AP5Z1: variants seen among roughly 807,000 people sequenced by gnomAD.
The protein encoded by AP5Z1 is AP-5 complex subunit zeta-1.
AP5Z1 carries 106 observed loss-of-function variants against 83.0 expected under a neutral mutation model. The observed-to-expected ratio is 1.28, with a 90% confidence interval of 1.09 to 1.50. The LOEUF is 1.50. Ranked by LOEUF, AP5Z1 falls within the 40% of genes most tolerant of loss-of-function variation. The probability of loss-of-function intolerance (pLI) is 0.00; values close to 1 mark genes in which losing one functional copy is unlikely to be tolerated. For synonymous variants in AP5Z1, 751 were observed against 514.1 expected, an observed-to-expected ratio of 1.46 and a Z score of -6.23; for missense variants, 1,565 against 1,094.2, an observed-to-expected ratio of 1.43 and a Z score of -6.07.
At chr7:4,787,546 G>T (rs893817194) in intron 10 of AP5Z1, 88 bp from the exon 11 acceptor site, 2 of 1,489,676 alleles carry the variant, frequency 1.3e-6, no homozygotes, top group African/African-American at 1.4e-5. Context: ...GCAGGTCTGG[G>T]ACAGCTGTGG....
Position 4,790,727 on chromosome 7 carries a change from G to A in AP5Z1, c.1993G>A (p.Glu665Lys), listed in dbSNP as rs762941708. 1 of 1,610,996 alleles carries A rather than the reference G, an allele frequency of 6.2e-7. No individual in the cohort carries two copies. The highest frequency in any genetic ancestry group is 1.1e-5 in the South Asian group (1 of 90,816). The change falls in exon 16 of 17, where the codon GAG becomes AAG. Residue 665 changes from glutamate to lysine, a missense_variant. By Grantham distance (56) the Glu-to-Lys change is moderately conservative. Coordinates refer to ENST00000649063, the MANE Select transcript of AP5Z1 (RefSeq NM_014855.3). ...GACCTACGATCGGAGGTGCACCGTGGAGCAGATCAACAAGTTCTTCGAAGC... is the reference window on the plus strand; with the variant it reads ...GACCTACGATCGGAGGTGCACCGTGAAGCAGATCAACAAGTTCTTCGAAGC... ...SVTYDRRCTV[E>K]QINKFFEALE...
At position 4,775,669 on chromosome 7, in the gene AP5Z1, G is replaced by C. The variant is rs758255753; in HGVS notation, c.-47G>C. 2.5e-6 allele frequency: 4 copies of C among 1,604,758 alleles called. No individual in the cohort carries two copies. The South Asian group carries it at 4.4e-5, about 18-fold the overall frequency. ...CGGGGTGCGGAGCTCCTGGGCTGCA[G>C]CTCCTGGAGTTTCCGAGGTTCGTGC... On this transcript the variant is annotated 5_prime_UTR_variant, in exon 1 of 17. Transcript: ENST00000649063.
chr7:4,782,163 C>T (rs967141988), intron 3 of AP5Z1, among the ~76,000 whole-genome samples: 1 of 152,176 alleles, frequency 6.6e-6, no homozygotes, highest in Non-Finnish European at 1.5e-5. Flanking sequence ...AGCAATCCTC[C>T]CATCTCAGCC....
In AP5Z1 at chr7:4,786,300, AG is replaced by A; in HGVS notation, c.1185del (p.Ile396SerfsTer35). ...SEAVYQHLFTRIPVEQFHSPM... is the reference protein window; with the variant it reads ...SEAVYQHLFTXIPVEQFHSPM... ...AGCCGTCTACCAGCACCTGTTCACCAGGATCCCGGTGGAGCAGTTCCACAGC... is the reference window on the plus strand; with the variant it reads ...AGCCGTCTACCAGCACCTGTTCACCAGATCCCGGTGGAGCAGTTCCACAGC... On this transcript the variant is annotated frameshift_variant, in exon 10 of 17. Coordinates refer to ENST00000649063, the MANE Select transcript of AP5Z1 (RefSeq NM_014855.3). LOFTEE classifies it high-confidence loss of function. The A allele has an allele frequency of 6.2e-7, 1 of 1,613,596 alleles. No individual in the cohort carries two copies. The highest frequency in any genetic ancestry group is 8.5e-7 in the Non-Finnish European group (1 of 1,179,730).
Position 4,791,457 on chromosome 7 carries a change from A to G in AP5Z1, c.*72A>G. 1 of 1,507,454 alleles carries G rather than the reference A, an allele frequency of 6.6e-7. No homozygotes were observed. The highest frequency in any genetic ancestry group is 1.3e-5 in the South Asian group (1 of 76,858). The allele number at this position is 1,507,454 out of a possible 1,614,324, so 93.4% of individuals were successfully genotyped here. ...CCAGCTTGCTACTGAGGCCAGGCTGATAGGAGCTCAGGAGGGCGCGGGAGT... is the reference window on the plus strand; with the variant it reads ...CCAGCTTGCTACTGAGGCCAGGCTGGTAGGAGCTCAGGAGGGCGCGGGAGT... On this transcript the variant is annotated 3_prime_UTR_variant, in exon 17 of 17. Coordinates refer to ENST00000649063, the MANE Select transcript of AP5Z1 (RefSeq NM_014855.3).
chr7:4,793,501 G>C lies in AP5Z1; in HGVS notation c.*2116G>C, dbSNP rs1781851773. 1 of 152,968 alleles carries C rather than the reference G, an allele frequency of 6.5e-6. No individual in the cohort carries two copies. Among genetic ancestry groups the C allele is most frequent in the East Asian group, 1.9e-4 (1 of 5,190 alleles). 9.5% of individuals were successfully genotyped at this position (152,968 alleles called of 1,614,324 possible). ...TCAGGGCTGGCCAAGGCCGGAGCCGGCTCCCTCAGCTTGCGGGGAGGTGTG... is the reference window on the plus strand; with the variant it reads ...TCAGGGCTGGCCAAGGCCGGAGCCGCCTCCCTCAGCTTGCGGGGAGGTGTG... On this transcript the variant is annotated 3_prime_UTR_variant, in exon 17 of 17. Transcript: ENST00000649063.
In AP5Z1 at chr7:4,783,342, C is replaced by T. The variant is rs374668866; in HGVS notation, c.393C>T (p.Ala131=). The T allele has an allele frequency of 2.1e-5, 34 of 1,612,392 alleles. No homozygotes were observed. Among genetic ancestry groups the T allele is most frequent in the African/African-American group, 8.0e-5 (6 of 74,908 alleles). The change falls in exon 4 of 17, where the codon GCC becomes GCT. Residue 131 remains alanine (A), a synonymous_variant. Transcript: ENST00000649063. ...GTGACAGAAACGAGGAGGTCAGAGC[C>T]GTGGGCCAGGGCGTGCTACGAGCGC... is the stretch of plus-strand genomic sequence containing the variant. ...AQGDRNEEVR[A]VGQGVLRALE... is the part of the protein sequence containing the mutation.
In AP5Z1 at chr7:4,790,934, G is replaced by A. The variant is rs746143363; in HGVS notation, c.2153+47G>A. The A allele has an allele frequency of 4.6e-6, 7 of 1,530,334 alleles. No individual in the cohort carries two copies. In the South Asian group the frequency reaches 6.1e-5, roughly 13 times the overall value. 94.8% of individuals were successfully genotyped at this position (1,530,334 alleles called of 1,614,324 possible). On this transcript the variant is annotated intron_variant, in intron 16 of 16. Coordinates refer to ENST00000649063, the MANE Select transcript of AP5Z1 (RefSeq NM_014855.3). Reference sequence around the variant, plus strand: ...GAAGCCTTCTGGCTCCTGGGGAAGAGAGGTGGCTTCTGAGGTCTTCCCATC... The same window carrying A: ...GAAGCCTTCTGGCTCCTGGGGAAGAAAGGTGGCTTCTGAGGTCTTCCCATC...
At position 4,793,585 on chromosome 7, in the gene AP5Z1, T is replaced by A. The variant is rs1324604737; in HGVS notation, c.*2200T>A. On this transcript the variant is annotated 3_prime_UTR_variant, in exon 17 of 17. Coordinates refer to ENST00000649063, the MANE Select transcript of AP5Z1 (RefSeq NM_014855.3). ...GCGGTGCTTGCGGGCCAGCGCGAGT[T>A]CCGGGTGGGCGTGGGCTCTGTGGGC... 1 of 139,234 alleles carries A rather than the reference T, an allele frequency of 7.2e-6. No homozygotes were observed. The highest frequency in any genetic ancestry group is 1.6e-5 in the Non-Finnish European group (1 of 63,924). 8.6% of individuals were successfully genotyped at this position (139,234 alleles called of 1,614,324 possible). A position where few individuals can be genotyped will look rare whatever the true frequency, so the allele number is the denominator to read the frequency against.
chr7:4,785,353 C>T (rs1781507840), intron 7 of AP5Z1, 62 bp from the exon 8 acceptor site: 2 of 1,575,138 alleles, frequency 1.3e-6, no homozygotes, highest in South Asian at 1.2e-5. Flanking sequence ...GCACAAGCTG[C>T]CCCCTCATTG....
rs575352550 is a variant in AP5Z1, at chr7:4,789,018, C to T, written c.1707+67C>T. Reference sequence around the variant, plus strand: ...CAACTGAGGGGCAGGCCAGAGCCAGCACTGGGGGGCCCTCTTGAGCTCTGC... The same window carrying T: ...CAACTGAGGGGCAGGCCAGAGCCAGTACTGGGGGGCCCTCTTGAGCTCTGC... On this transcript the variant is annotated intron_variant, in intron 13 of 16. Transcript: ENST00000649063. 7 of 1,360,626 alleles carry T rather than the reference C, an allele frequency of 5.1e-6. No individual in the cohort carries two copies. The South Asian group carries it at 6.4e-5, about 12-fold the overall frequency. The allele number at this position is 1,360,626 out of a possible 1,614,324, so 84.3% of individuals were successfully genotyped here.
Position 4,791,420 on chromosome 7 carries a change from G to T in AP5Z1, c.*35G>T. 6.4e-7 allele frequency: 1 copy of T among 1,567,540 alleles called. No homozygotes were observed. Among genetic ancestry groups the T allele is most frequent in the African/African-American group, 1.3e-5 (1 of 74,168 alleles). On this transcript the variant is annotated 3_prime_UTR_variant, in exon 17 of 17. Transcript: ENST00000649063. ...GGCCAGGGACTTCGGTGCAGATTAA[G>T]AGCCTGGGCAGCCAGCTTGCTACTG...
chr7:4,781,430 C>A, intron 2 of AP5Z1, 118 bp downstream of exon 2: 1 of 1,555,030 alleles, frequency 6.4e-7, no homozygotes, highest in Non-Finnish European at 8.8e-7. Flanking sequence ...TCCACTTAAA[C>A]CAGTGCTGAA....
intron 6 of AP5Z1, among the ~76,000 whole-genome samples, 173 bp from the exon 7 acceptor site, chr7:4,784,735 C>T (rs1003482149): frequency 1.3e-5 from 2 of 152,176 alleles, no homozygotes; most frequent in Admixed American, 6.5e-5. Context: ...CCCTGAAGGG[C>T]GGCCGTGATG....
At position 4,789,828 on chromosome 7, in the gene AP5Z1, C is replaced by T. The variant is rs1018131152; in HGVS notation, c.1708-4C>T. 2 of 1,551,236 alleles carry T rather than the reference C, an allele frequency of 1.3e-6. No individual in the cohort carries two copies. Among genetic ancestry groups the T allele is most frequent in the Non-Finnish European group, 1.7e-6 (2 of 1,147,316 alleles). ...TGAGCCTGTTTCCCACTCCTGACCC[C>T]CAGGTGGCTGACGGGTCCCTGATCA... On this transcript the variant is annotated splice_region_variant and splice_polypyrimidine_tract_variant and intron_variant, in intron 13 of 16. Coordinates refer to ENST00000649063, the MANE Select transcript of AP5Z1 (RefSeq NM_014855.3).
chr7:4,792,582 C>T lies in AP5Z1; in HGVS notation c.*1197C>T, dbSNP rs1238158496. The T allele has an allele frequency of 2.0e-5, 3 of 152,294 alleles. No individual in the cohort carries two copies. The highest frequency in any genetic ancestry group is 7.2e-5 in the African/African-American group (3 of 41,466). 9.4% of individuals were successfully genotyped at this position (152,294 alleles called of 1,614,324 possible). On this transcript the variant is annotated 3_prime_UTR_variant, in exon 17 of 17. Transcript: ENST00000649063. ...GGGTCCTCACCGCCAGGTTCCAGCC[C>T]AGGAAGCGCTCGCCTGCCCCACAGC...
rs1781776627 is a variant in AP5Z1 at position 4,791,591 on chromosome 7, G to C, written c.*206G>C. Reference sequence around the variant, plus strand: ...TTGTCTCCGAGCCTTTTGCTCCCAGGCAACACTGAGCTGAGCTGAGGGGTG... The same window carrying C: ...TTGTCTCCGAGCCTTTTGCTCCCAGCCAACACTGAGCTGAGCTGAGGGGTG... On this transcript the variant is annotated 3_prime_UTR_variant, in exon 17 of 17. Coordinates refer to ENST00000649063, the MANE Select transcript of AP5Z1 (RefSeq NM_014855.3). 1.4e-5 allele frequency: 10 copies of C among 724,806 alleles called. No homozygotes were observed. The highest frequency in any genetic ancestry group is 2.2e-5 in the Non-Finnish European group (10 of 454,352). 44.9% of individuals were successfully genotyped at this position (724,806 alleles called of 1,614,324 possible). A position where few individuals can be genotyped will look rare whatever the true frequency, so the allele number is the denominator to read the frequency against.
intron 6 of AP5Z1, 35 bp from the exon 7 acceptor site, chr7:4,784,873 C>G (rs202012420): frequency 6.3e-7 from 1 of 1,594,502 alleles, no homozygotes; most frequent in Non-Finnish European, 8.6e-7. Context: ...CCGGGAGCCA[C>G]ACGTCAGCCT....
intron 6 of AP5Z1, 145 bp from the exon 7 acceptor site, chr7:4,784,763 G>T: frequency 1.7e-6 from 2 of 1,156,396 alleles, no homozygotes; most frequent in Non-Finnish European, 2.4e-6. Context: ...TGCCGGGTGG[G>T]TGGACGTCCT....
Sources: gnomAD v4.1 joint callset for allele counts (sites outside exome capture counted in the v4.1 genomes callset) on GRCh38, gnomAD v4.1.1 for gene constraint, MANE v1.5 for transcripts, NCBI Gene and HGNC (gene_info 2026-07-23, HGNC 2026-07-21) for gene names.